PCSK5: variants seen among roughly 807,000 people sequenced by gnomAD.
The protein encoded by PCSK5 is prohormone convertase 5.
Under a neutral mutation model 233.2 loss-of-function variants are expected in PCSK5, and 129 were observed. That is an observed-to-expected ratio of 0.55 (90% confidence interval 0.48 to 0.64). PCSK5 has a LOEUF of 0.64. PCSK5 is among the 30% of genes least tolerant of loss of function. PCSK5 has a pLI of 0.00. For missense variants in PCSK5, 2,076 were observed against 2,430.1 expected, an observed-to-expected ratio of 0.85 and a Z score of 3.06; for synonymous variants, 825 against 879.2, an observed-to-expected ratio of 0.94 and a Z score of 1.09.
At chr9:76,013,424 A>G (rs912841388) in intron 3 of PCSK5, among the ~76,000 whole-genome samples, 1 of 152,108 alleles carries the variant, frequency 6.6e-6, no homozygotes, top group Non-Finnish European at 1.5e-5. Flanking sequence ...CCTTGAAAGC[A>G]TCTTATCTAT....
intron 3 of PCSK5, among the ~76,000 whole-genome samples, chr9:75,995,636 C>T (rs1826982683): frequency 6.6e-6 from 1 of 151,978 alleles, no homozygotes; most frequent in African/African-American, 2.4e-5. Context: ...TCCTGCTTGG[C>T]TTCTAGTCAC....
At chr9:76,261,370 A>T (rs1827169418) in intron 24 of PCSK5, among the ~76,000 whole-genome samples, 1 of 152,226 alleles carries the variant, frequency 6.6e-6, no homozygotes, top group African/African-American at 2.4e-5. Flanking sequence ...TACCTAGAAA[A>T]CCCTAAAGAC....
chr9:76,067,878 T>C lies in PCSK5; in HGVS notation c.633-77T>C, dbSNP rs1023200312. The C allele has an allele frequency of 1.5e-5, 17 of 1,116,512 alleles. No individual in the cohort carries two copies. In the African/African-American group the frequency reaches 2.0e-4, roughly 13 times the overall value. 69.2% of individuals were successfully genotyped at this position (1,116,512 alleles called of 1,614,324 possible). A position where few individuals can be genotyped will look rare whatever the true frequency, so the allele number is the denominator to read the frequency against. ...CAGCTGGGTACATTCTTCACCACTC[T>C]GAGTGGTGGCAGTGACGCGTTGGCT... is the stretch of plus-strand genomic sequence containing the variant. On this transcript the variant is annotated intron_variant, in intron 5 of 37. Transcript: ENST00000674117.
At chr9:76,029,964 T>C (rs1330385987) in intron 5 of PCSK5, among the ~76,000 whole-genome samples, 1 of 152,180 alleles carries the variant, frequency 6.6e-6, no homozygotes, top group Non-Finnish European at 1.5e-5. Flanking sequence ...ATGCAAACAA[T>C]TATATTGCCA....
intron 1 of PCSK5, among the ~76,000 whole-genome samples, chr9:75,924,516 A>G (rs1823392579): frequency 1.3e-5 from 2 of 152,078 alleles, no homozygotes; most frequent in Non-Finnish European, 2.9e-5. Context: ...TACCTTAAAG[A>G]TACTTTATTG....
In PCSK5 at chr9:75,890,756, G is replaced by A. The variant is rs1825554793; in HGVS notation, c.-426G>A. 1 of 164,572 alleles carries A rather than the reference G, an allele frequency of 6.1e-6. No individual in the cohort carries two copies. The highest frequency in any genetic ancestry group is 1.7e-4 in the East Asian group (1 of 6,026). The allele number at this position is 164,572 out of a possible 1,614,324, so 10.2% of individuals were successfully genotyped here. ...CGAGCGTTTGGAGCCCGGGCCAGCA[G>A]AGGGGGCGCCCGGTCGCTGCCTGTA... On this transcript the variant is annotated 5_prime_UTR_variant, in exon 1 of 38. Coordinates refer to ENST00000674117, the MANE Select transcript of PCSK5 (RefSeq NM_001372043.1).
At chr9:76,271,662 C>G (rs1172270683) in intron 24 of PCSK5, among the ~76,000 whole-genome samples, 1 of 151,846 alleles carries the variant, frequency 6.6e-6, no homozygotes, top group Admixed American at 6.6e-5. Flanking sequence ...ATAGCAAGAC[C>G]CCATTTCTAA....
At chr9:75,961,164 A>C (rs921247848) in intron 2 of PCSK5, among the ~76,000 whole-genome samples, 6 of 152,240 alleles carry the variant, frequency 3.9e-5, no homozygotes, top group Non-Finnish European at 8.8e-5. Context: ...CCTGAAGTCC[A>C]GGTCACTGCA....
chr9:76,125,060 TTC>T (rs1244199840), intron 9 of PCSK5, among the ~76,000 whole-genome samples: 2 of 152,130 alleles, frequency 1.3e-5, no homozygotes, highest in African/African-American at 4.8e-5. Context: ...CCTCTTACAT[TTC>T]TTTTTCCTTT....
chr9:76,260,952 C>G, intron 24 of PCSK5, among the ~76,000 whole-genome samples: 1 of 152,162 alleles, frequency 6.6e-6, no homozygotes, highest in South Asian at 2.1e-4. Flanking sequence ...TATATTATAT[C>G]AATAACCTCT....
intron 24 of PCSK5, among the ~76,000 whole-genome samples, chr9:76,245,974 A>G (rs1826577675): frequency 6.6e-6 from 1 of 152,182 alleles, no homozygotes; most frequent in African/African-American, 2.4e-5. Context: ...TTTAAAAATC[A>G]CATGAAACAA....
chr9:75,981,182 A>G (rs1398251274), intron 2 of PCSK5, among the ~76,000 whole-genome samples: 1 of 152,232 alleles, frequency 6.6e-6, no homozygotes, highest in Non-Finnish European at 1.5e-5. Context: ...ATCATTGATC[A>G]GCTAGAACAT....
intron 1 of PCSK5, among the ~76,000 whole-genome samples, chr9:75,920,602 C>T (rs1355043399): frequency 2.0e-5 from 3 of 151,962 alleles, no homozygotes; most frequent in African/African-American, 7.2e-5. Context: ...CTCAGGAGTT[C>T]GAGACCAGCC....
At chr9:75,997,152 T>C (rs1027134460) in intron 3 of PCSK5, among the ~76,000 whole-genome samples, 8 of 152,214 alleles carry the variant, frequency 5.3e-5, no homozygotes, top group Non-Finnish European at 1.5e-5. Context: ...TTTAGATTTC[T>C]TCATTTACAA....
In PCSK5 at chr9:76,071,863, C is replaced by A. The variant is rs750391450; in HGVS notation, c.859C>A (p.Leu287Ile). ...DGKTVDGPAPLTRQAFENGVR... is the reference protein window; with the variant it reads ...DGKTVDGPAPITRQAFENGVR... ...CAAGACTGTGGACGGACCAGCCCCC[C>A]TCACCCGGCAAGCCTTTGAAAACGG... Residue 287 changes from leucine (L) to isoleucine (I), a missense_variant, in exon 7 of 38, where the codon CTC becomes ATC. Leu to Ile is a conservative substitution (Grantham distance 5). Coordinates refer to ENST00000674117, the MANE Select transcript of PCSK5 (RefSeq NM_001372043.1). The A allele has an allele frequency of 6.2e-7, 1 of 1,614,168 alleles. No homozygotes were observed. The highest frequency in any genetic ancestry group is 8.5e-7 in the Non-Finnish European group (1 of 1,180,018).
intron 1 of PCSK5, among the ~76,000 whole-genome samples, chr9:75,928,596 CATATAT>C (rs61537466): frequency 0.023 from 1,573 of 68,304 alleles, 18 homozygotes; most frequent in Non-Finnish European, 0.031. Flanking sequence ...CATATAAATA[CATATAT>C]ATATATATAT....
intron 14 of PCSK5, among the ~76,000 whole-genome samples, chr9:76,179,076 G>A (rs1259610332): frequency 6.6e-6 from 1 of 152,164 alleles, no homozygotes; most frequent in African/African-American, 2.4e-5. Context: ...GTCTGAGACT[G>A]GATGCTGATA....
intron 24 of PCSK5, among the ~76,000 whole-genome samples, chr9:76,289,688 G>T (rs912385567): frequency 6.6e-6 from 1 of 152,106 alleles, no homozygotes; most frequent in African/African-American, 2.4e-5. Context: ...CAGTGGTCAA[G>T]CTAAATCCAT....
intron 2 of PCSK5, among the ~76,000 whole-genome samples, chr9:75,935,853 A>G (rs1345125824): frequency 6.6e-6 from 1 of 152,214 alleles, no homozygotes; most frequent in African/African-American, 2.4e-5. Flanking sequence ...TGAGAGGCAC[A>G]TGATACTGCT....
Sources: gnomAD v4.1 joint callset for allele counts (sites outside exome capture counted in the v4.1 genomes callset) on GRCh38, gnomAD v4.1.1 for gene constraint, MANE v1.5 for transcripts, NCBI Gene and HGNC (gene_info 2026-07-23, HGNC 2026-07-21) for gene names.